CFAP47: variants seen among roughly 807,000 people sequenced by gnomAD.
CFAP47 encodes the protein cilia- and flagella-associated protein 47.
Under a neutral mutation model 148.1 loss-of-function variants are expected in CFAP47, and 29 were observed. The ratio of observed to expected loss-of-function variants is 0.20; its 90% CI spans 0.15 to 0.27. CFAP47 has a LOEUF of 0.27. CFAP47 is among the 10% of genes least tolerant of loss of function. The pLI is 1.00. For synonymous variants in CFAP47, 664 were observed against 577.3 expected (o/e 1.15, Z -2.15); for missense variants, 1,872 against 1,697.5 (o/e 1.10, Z -1.81).
chrX:36,019,377 G>T (rs971124087), intron 22 of CFAP47, among the ~76,000 whole-genome samples: 10 of 111,855 alleles, frequency 8.9e-5, no homozygotes, highest in African/African-American at 3.3e-4. Flanking sequence ...AACTTCTGCC[G>T]ACCTCCTCCC....
chrX:35,932,096 T>G (rs758992181), intron 2 of CFAP47, among the ~76,000 whole-genome samples: 1 of 105,706 alleles, frequency 9.5e-6, no homozygotes, highest in South Asian at 4.5e-4. Flanking sequence ...TTGCCCAGGT[T>G]GGAGTTCAGT....
intron 2 of CFAP47, among the ~76,000 whole-genome samples, chrX:35,933,734 G>C (rs770607738): frequency 8.9e-6 from 1 of 111,949 alleles, no homozygotes; most frequent in South Asian, 3.7e-4. Flanking sequence ...GCTAGCATTT[G>C]TTACTTCCTA....
At chrX:36,037,338 T>G (rs1276312658) in intron 24 of CFAP47, among the ~76,000 whole-genome samples, 12 of 106,177 alleles carry the variant, frequency 1.1e-4, no homozygotes, top group Admixed American at 4.1e-4. Context: ...AACTTTACTC[T>G]TTGTTGTTGT....
At chrX:36,166,737 C>T (rs1023902276) in intron 39 of CFAP47, among the ~76,000 whole-genome samples, 2 of 111,445 alleles carry the variant, frequency 1.8e-5, no homozygotes, top group Non-Finnish European at 3.8e-5. Flanking sequence ...CTATCTGCCC[C>T]AGGCTTGCTA....
chrX:36,374,023 T>G (rs1026867869), intron 62 of CFAP47, among the ~76,000 whole-genome samples: 1 of 111,338 alleles, frequency 9.0e-6, no homozygotes. Flanking sequence ...CTGTAGTTTT[T>G]TTTTCTCTTG....
intron 6 of CFAP47, 101 bp downstream of exon 6, chrX:35,952,064 C>T: frequency 1.2e-6 from 1 of 868,011 alleles, no homozygotes; most frequent in Non-Finnish European, 1.5e-6. Flanking sequence ...GTAAAACTTG[C>T]CAGAAGGCAC....
chrX:36,277,777 T>C (rs1376566119), intron 49 of CFAP47, among the ~76,000 whole-genome samples: 1 of 112,063 alleles, frequency 8.9e-6, no homozygotes, highest in Non-Finnish European at 1.9e-5. Flanking sequence ...GTGGCTACCA[T>C]ATTGGATAGC....
At chrX:36,378,850 C>T (rs1942049382) in intron 62 of CFAP47, among the ~76,000 whole-genome samples, 1 of 106,750 alleles carries the variant, frequency 9.4e-6, no homozygotes, top group South Asian at 4.2e-4. Context: ...CTTACTCTGT[C>T]GCCCAGGCTG....
chrX:36,199,460 G>T (rs1458719980), intron 42 of CFAP47, among the ~76,000 whole-genome samples: 1 of 111,909 alleles, frequency 8.9e-6, no homozygotes, highest in East Asian at 2.8e-4. Flanking sequence ...TCTAAAGAAA[G>T]AAATTGAGGC....
intron 21 of CFAP47, among the ~76,000 whole-genome samples, chrX:36,003,976 T>C (rs964614643): frequency 1.6e-4 from 15 of 94,532 alleles, no homozygotes; most frequent in African/African-American, 2.0e-4. Context: ...TCTTTTTTTT[T>C]TTTTTTTTTT....
Position 35,975,341 on chromosome X carries a change from C to G in CFAP47, c.2449C>G (p.Pro817Ala), listed in dbSNP as rs747330105. 4.2e-6 allele frequency: 5 copies of G among 1,183,562 alleles called. No individual in the cohort carries two copies. Among genetic ancestry groups the G allele is most frequent in the South Asian group, 3.7e-5 (2 of 53,783 alleles). Reference sequence around the variant, plus strand: ...TTATATTTCAATGGTATTTGACTCTCCCACCATTGGAAAATTTTGGAAGTA... The same window carrying G: ...TTATATTTCAATGGTATTTGACTCTGCCACCATTGGAAAATTTTGGAAGTA... ...STYISMVFDS[P>A]TIGKFWKSFT... The change falls in exon 14 of 64, where the codon CCC becomes GCC. Residue 817 changes from proline to alanine, a missense_variant. Coordinates refer to ENST00000378653, the MANE Select transcript of CFAP47 (RefSeq NM_001304548.2).
intron 22 of CFAP47, among the ~76,000 whole-genome samples, chrX:36,027,181 A>ATT (rs1451725973): frequency 9.5e-6 from 1 of 105,156 alleles, no homozygotes; most frequent in Non-Finnish European, 1.9e-5. Context: ...TATATATATG[A>ATT]TTATATATAT....
intron 26 of CFAP47, among the ~76,000 whole-genome samples, chrX:36,049,161 G>C (rs2146735479): frequency 9.1e-6 from 1 of 110,300 alleles, no homozygotes; most frequent in East Asian, 2.8e-4. Flanking sequence ...CCTGAGAAGT[G>C]GGGTTTTTTT....
intron 45 of CFAP47, among the ~76,000 whole-genome samples, chrX:36,212,536 T>C (rs1248578301): frequency 9.0e-6 from 1 of 110,919 alleles, no homozygotes; most frequent in East Asian, 2.8e-4. Flanking sequence ...AAATTTGGAA[T>C]TTTTTTTTAT....
At chrX:36,239,541 G>A (rs1555995599) in intron 48 of CFAP47, among the ~76,000 whole-genome samples, 1 of 111,987 alleles carries the variant, frequency 8.9e-6, no homozygotes, top group East Asian at 2.8e-4. Context: ...CACTAGGAAG[G>A]CATTATCATT....
intron 48 of CFAP47, among the ~76,000 whole-genome samples, chrX:36,249,253 T>C (rs1940661989): frequency 9.1e-6 from 1 of 110,461 alleles, no homozygotes; most frequent in South Asian, 3.7e-4. Context: ...GTTAGTTATT[T>C]GAAAAGGTCA....
intron 48 of CFAP47, among the ~76,000 whole-genome samples, chrX:36,240,419 TATATCATATAA>T (rs1382988907): frequency 9.0e-6 from 1 of 110,986 alleles, no homozygotes; most frequent in East Asian, 2.9e-4. Flanking sequence ...TTTCAATAAA[TATATCATATAA>T]ATATAGTTAT....
At chrX:36,334,389 C>A (rs193190351) in intron 57 of CFAP47, among the ~76,000 whole-genome samples, 2 of 111,443 alleles carry the variant, frequency 1.8e-5, no homozygotes, top group African/African-American at 3.3e-5. Flanking sequence ...TGTGATGACT[C>A]CAGATATCCT....
intron 39 of CFAP47, among the ~76,000 whole-genome samples, chrX:36,177,805 A>G (rs1419391602): frequency 1.8e-5 from 2 of 112,216 alleles, no homozygotes; most frequent in Non-Finnish European, 3.8e-5. Flanking sequence ...TAGAGTTACC[A>G]TTTGATCCAG....
Sources: allele counts gnomAD v4.1 joint callset (sites outside exome capture counted in the v4.1 genomes callset), GRCh38; gene constraint gnomAD v4.1.1; transcripts MANE v1.5; gene names NCBI Gene and HGNC (gene_info 2026-07-23, HGNC 2026-07-21).